PPM1E: variants seen among roughly 807,000 people sequenced by gnomAD.
The protein encoded by PPM1E is protein phosphatase 1E.
In PPM1E, 20 loss-of-function variants were observed where a neutral mutation model predicts 65.9. The ratio of observed to expected loss-of-function variants is 0.30; its 90% CI spans 0.21 to 0.44. The LOEUF (loss-of-function observed/expected upper bound fraction) is 0.44. PPM1E is among the 20% of genes least tolerant of loss of function. PPM1E has a pLI of 1.00. For synonymous variants in PPM1E, 352 were observed against 374.9 expected, an observed-to-expected ratio of 0.94 and a Z score of 0.70; for missense variants, 713 against 953.1, an observed-to-expected ratio of 0.75 and a Z score of 3.32.
At chr17:58,776,198 G>A (rs1033125292) in intron 1 of PPM1E, among the ~76,000 whole-genome samples, 7 of 151,820 alleles carry the variant, frequency 4.6e-5, no homozygotes, top group South Asian at 2.1e-4. Flanking sequence ...ATGCTGGTGC[G>A]CCTCTGTAGT....
At chr17:58,836,529 A>G (rs977867460) in intron 1 of PPM1E, among the ~76,000 whole-genome samples, 12 of 150,694 alleles carry the variant, frequency 8.0e-5, no homozygotes, top group Non-Finnish European at 1.5e-5. Flanking sequence ...CAGTGGTGCA[A>G]TCTTGGCTCA....
intron 1 of PPM1E, among the ~76,000 whole-genome samples, chr17:58,893,798 A>G (rs1349921625): frequency 2.6e-5 from 4 of 152,152 alleles, no homozygotes; most frequent in Admixed American, 6.5e-5. Context: ...TTGGCCAGGC[A>G]TGATGGCTCA....
At chr17:58,791,785 C>T (rs768486296) in intron 1 of PPM1E, among the ~76,000 whole-genome samples, 1 of 152,116 alleles carries the variant, frequency 6.6e-6, no homozygotes, top group Non-Finnish European at 1.5e-5. Context: ...GGGACTGGGG[C>T]CAAGGAGCAC....
intron 1 of PPM1E, among the ~76,000 whole-genome samples, chr17:58,878,685 C>T (rs1409699529): frequency 2.0e-5 from 3 of 151,280 alleles, no homozygotes; most frequent in African/African-American, 7.3e-5. Flanking sequence ...GTAATCCCAG[C>T]ACTTTGGGAG....
chr17:58,952,699 G>A (rs2052256330), intron 1 of PPM1E, among the ~76,000 whole-genome samples: 1 of 152,118 alleles, frequency 6.6e-6, no homozygotes, highest in Non-Finnish European at 1.5e-5. Context: ...TTTGTTTTGA[G>A]ACAGAGTCTT....
At chr17:58,828,629 T>C (rs2050566848) in intron 1 of PPM1E, among the ~76,000 whole-genome samples, 1 of 152,038 alleles carries the variant, frequency 6.6e-6, no homozygotes, top group South Asian at 2.1e-4. Flanking sequence ...TACGCCAGGC[T>C]AATTTTGTAT....
chr17:58,833,138 T>C (rs528039923), intron 1 of PPM1E, among the ~76,000 whole-genome samples: 9 of 152,056 alleles, frequency 5.9e-5, no homozygotes, highest in African/African-American at 2.2e-4. Flanking sequence ...TTGGGGGATG[T>C]ATGTAGTTCT....
chr17:58,976,704 T>C (rs1454467232), intron 6 of PPM1E, among the ~76,000 whole-genome samples: 1 of 152,152 alleles, frequency 6.6e-6, no homozygotes, highest in Non-Finnish European at 1.5e-5. Flanking sequence ...GGGGGCGAAA[T>C]GTCATGAATT....
chr17:58,887,796 G>A (rs891375933), intron 1 of PPM1E, among the ~76,000 whole-genome samples: 1 of 152,178 alleles, frequency 6.6e-6, no homozygotes, highest in East Asian at 1.9e-4. Flanking sequence ...ATTTTTAATG[G>A]ATCATTCTGG....
chr17:58,806,155 GCAAA>G (rs1398819659), intron 1 of PPM1E, among the ~76,000 whole-genome samples: 2 of 151,842 alleles, frequency 1.3e-5, no homozygotes, highest in African/African-American at 2.4e-5. Context: ...TTACAAATAA[GCAAA>G]CAAACATCTG....
chr17:58,883,585 G>A (rs1480521263), intron 1 of PPM1E, among the ~76,000 whole-genome samples: 1 of 146,962 alleles, frequency 6.8e-6, no homozygotes, highest in Admixed American at 6.9e-5. Context: ...CCGGGTTCAC[G>A]CCATTCTCCT....
At chr17:58,799,734 G>C (rs2050241599) in intron 1 of PPM1E, among the ~76,000 whole-genome samples, 1 of 152,030 alleles carries the variant, frequency 6.6e-6, no homozygotes, top group Non-Finnish European at 1.5e-5. Flanking sequence ...ATGAGCCACT[G>C]CACCTTGCCA....
chr17:58,781,253 G>A (rs1312960893), intron 1 of PPM1E, among the ~76,000 whole-genome samples: 2 of 149,408 alleles, frequency 1.3e-5, no homozygotes, highest in Non-Finnish European at 3.0e-5. Context: ...TGATTCTCCT[G>A]CCCCAGCCTC....
chr17:58,762,776 T>G (rs987120446), intron 1 of PPM1E, among the ~76,000 whole-genome samples: 2 of 151,136 alleles, frequency 1.3e-5, no homozygotes, highest in African/African-American at 4.9e-5. Flanking sequence ...CGGGCGCCTG[T>G]AGTCCCAGCT....
chr17:58,825,548 T>C (rs1273055826), intron 1 of PPM1E, among the ~76,000 whole-genome samples: 1 of 152,228 alleles, frequency 6.6e-6, no homozygotes, highest in East Asian at 1.9e-4. Context: ...TTTTTTTTAT[T>C]CTCTGTTGTT....
chr17:58,776,485 C>T (rs1404638903), intron 1 of PPM1E, among the ~76,000 whole-genome samples: 1 of 152,090 alleles, frequency 6.6e-6, no homozygotes, highest in Non-Finnish European at 1.5e-5. Context: ...TAGTAATGTA[C>T]ATTTCTTTCT....
rs751021723 is a variant in PPM1E at position 58,837,320 on chromosome 17, A to AACACACAT, written c.464+80866_464+80867insTACACACA. On this transcript the variant is annotated intron_variant, in intron 1 of 6. Transcript: ENST00000308249. Reference sequence around the variant, plus strand: ...TATACAACTGTCAGAGAATGAGAATAACACACACACATACACACACACACA... The same window carrying AACACACAT: ...TATACAACTGTCAGAGAATGAGAATAACACACATACACACACACATACACACACACACA... Among the ~76,000 whole-genome samples, 968 of 120,248 alleles carry AACACACAT rather than the reference A, an allele frequency of 8.1e-3. 3 individuals carry two copies. The highest frequency in any genetic ancestry group is 9.4e-3 in the Admixed American group (111 of 11,834). 78.9% of individuals were successfully genotyped at this position (120,248 alleles called of 152,430 possible). A position where few individuals can be genotyped will look rare whatever the true frequency, so the allele number is the denominator to read the frequency against.
intron 6 of PPM1E, among the ~76,000 whole-genome samples, chr17:58,974,494 A>G (rs1161742489): frequency 6.6e-6 from 1 of 152,196 alleles, no homozygotes; most frequent in Admixed American, 6.5e-5. Flanking sequence ...ATACAAGGGT[A>G]TAAGTTCAAA....
chr17:58,802,874 T>TG (rs2050271861), intron 1 of PPM1E, among the ~76,000 whole-genome samples: 3 of 151,418 alleles, frequency 2.0e-5, no homozygotes, highest in Non-Finnish European at 2.9e-5. Flanking sequence ...TTTTTGTGTG[T>TG]TTTTTTTTAT....
Sources: allele counts gnomAD v4.1 joint callset (sites outside exome capture counted in the v4.1 genomes callset), GRCh38; gene constraint gnomAD v4.1.1; transcripts MANE v1.5; gene names NCBI Gene and HGNC (gene_info 2026-07-23, HGNC 2026-07-21).